Variants in FSTL4 observed in about 807,000 individuals in gnomAD.
FSTL4 encodes follistatin-related protein 4.
FSTL4 carries 28 observed loss-of-function variants against 78.2 expected under a neutral mutation model. The observed-to-expected ratio is 0.36, with a 90% CI of 0.27 to 0.49. The LOEUF (loss-of-function observed/expected upper bound fraction) is 0.49, where lower values mean the gene tolerates loss of function less well. Ranked by LOEUF, FSTL4 falls within the 20% of genes least tolerant of loss-of-function variation. FSTL4 has a pLI of 0.98. For synonymous variants in FSTL4, 422 were observed against 440.5 expected (o/e 0.96, Z 0.53); for missense variants, 922 against 1,084.9 (o/e 0.85, Z 2.11).
chr5:133,571,744 A>G (rs1760159376), intron 2 of FSTL4, among the ~76,000 whole-genome samples: 1 of 152,228 alleles, frequency 6.6e-6, no homozygotes, highest in Non-Finnish European at 1.5e-5. Context: ...AAAATGAAAT[A>G]ACTGAAAAAT....
At chr5:133,249,325 G>A (rs1040197928) in intron 7 of FSTL4, 85 bp downstream of exon 7, 70 of 1,062,236 alleles carry the variant, frequency 6.6e-5, no homozygotes, top group Admixed American at 1.0e-4. Context: ...AAACTCTCCC[G>A]TCCTGCCACT....
chr5:133,776,890 G>A, the FSTL4 span, among the ~76,000 whole-genome samples: 1 of 152,104 alleles, frequency 6.6e-6, no homozygotes, highest in Non-Finnish European at 1.5e-5. Flanking sequence ...TGTCCGAAAG[G>A]TCCCACTGAC....
chr5:133,798,999 A>T, the FSTL4 span, among the ~76,000 whole-genome samples: 1 of 83,702 alleles, frequency 1.2e-5, no homozygotes, highest in African/African-American at 4.3e-5. Flanking sequence ...GAAGGGAGGG[A>T]GAGAGAGGGG....
At chr5:133,791,697 C>T in the FSTL4 span, among the ~76,000 whole-genome samples, 6 of 152,244 alleles carry the variant, frequency 3.9e-5, no homozygotes, top group African/African-American at 1.4e-4. Flanking sequence ...ATTCTGAGTG[C>T]CCCTTCCCCT....
chr5:133,249,594 G>A lies in FSTL4; in HGVS notation c.728-18C>T, dbSNP rs929783020. ...AACCACTTCTGCAGAGGGAAAGGAG[G>A]AGGCACGGTCAGGTGCAGGCCCAGG... On this transcript the variant is annotated intron_variant, in intron 6 of 15. Transcript: ENST00000265342. The A allele has an allele frequency of 6.2e-6, 10 of 1,601,896 alleles. No individual in the cohort carries two copies. The Admixed American group carries it at 6.7e-5, about 11-fold the overall frequency.
intron 6 of FSTL4, among the ~76,000 whole-genome samples, chr5:133,252,537 C>G (rs893217799): frequency 1.3e-5 from 2 of 152,032 alleles, no homozygotes; most frequent in East Asian, 3.9e-4. Context: ...CCAAGGGGTT[C>G]TATGATGGCC....
intron 4 of FSTL4, among the ~76,000 whole-genome samples, chr5:133,377,136 T>C (rs1013119858): frequency 2.0e-5 from 3 of 152,148 alleles, no homozygotes; most frequent in Non-Finnish European, 4.4e-5. Flanking sequence ...GGAGACTAAA[T>C]TCCAGGCAAA....
At chr5:133,290,209 C>T (rs1753226880) in intron 6 of FSTL4, among the ~76,000 whole-genome samples, 1 of 152,226 alleles carries the variant, frequency 6.6e-6, no homozygotes, top group African/African-American at 2.4e-5. Flanking sequence ...AGTGAATAAA[C>T]AACAGGGAAT....
At chr5:133,558,112 A>G (rs995174817) in intron 3 of FSTL4, among the ~76,000 whole-genome samples, 2 of 152,162 alleles carry the variant, frequency 1.3e-5, no homozygotes, top group African/African-American at 4.8e-5. Context: ...ACGCTTGGGC[A>G]TCTTCTCAAC....
the FSTL4 span, among the ~76,000 whole-genome samples, chr5:133,841,836 T>C: frequency 6.6e-6 from 1 of 151,936 alleles, no homozygotes; most frequent in African/African-American, 2.4e-5. Flanking sequence ...AGAGAGGAGG[T>C]GGAAGGTGCA....
chr5:133,534,530 G>A (rs1759313471), intron 3 of FSTL4, among the ~76,000 whole-genome samples: 1 of 152,096 alleles, frequency 6.6e-6, no homozygotes, highest in Non-Finnish European at 1.5e-5. Context: ...TGCCCTCCAT[G>A]TGCCCATGAT....
chr5:133,633,528 T>C, the FSTL4 span, among the ~76,000 whole-genome samples: 21 of 152,216 alleles, frequency 1.4e-4, no homozygotes, highest in Non-Finnish European at 2.6e-4. Flanking sequence ...ATTTCAAGTG[T>C]GTTTCTAATT....
At chr5:133,710,489 C>T in the FSTL4 span, among the ~76,000 whole-genome samples, 1 of 152,218 alleles carries the variant, frequency 6.6e-6, no homozygotes, top group South Asian at 2.1e-4. Flanking sequence ...CTCTTACTTT[C>T]TTACCCCAAA....
chr5:133,527,477 A>ATCT (rs1183482236), intron 3 of FSTL4, among the ~76,000 whole-genome samples: 1 of 67,472 alleles, frequency 1.5e-5, no homozygotes, highest in African/African-American at 4.0e-5. Context: ...ACGTGTACAC[A>ATCT]CACACACACA....
the FSTL4 span, among the ~76,000 whole-genome samples, chr5:133,797,701 G>T: frequency 1.3e-5 from 2 of 152,260 alleles, no homozygotes; most frequent in African/African-American, 4.8e-5. Flanking sequence ...AGTCTTCTCA[G>T]TTCTCCGTAG....
chr5:133,768,952 C>T, the FSTL4 span, among the ~76,000 whole-genome samples: 70 of 152,340 alleles, frequency 4.6e-4, 1 homozygote, highest in South Asian at 0.014. Context: ...CTGTGGATCA[C>T]AGGATTGTTG....
chr5:133,761,962 G>C, the FSTL4 span, among the ~76,000 whole-genome samples: 1 of 152,110 alleles, frequency 6.6e-6, no homozygotes, highest in Admixed American at 6.5e-5. Context: ...AGCCTTTGTG[G>C]AAACATCTGA....
chr5:133,595,549 G>C lies in FSTL4; in HGVS notation c.126+8309C>G, dbSNP rs1050376967. On this transcript the variant is annotated intron_variant, in intron 2 of 15. Transcript: ENST00000265342. Reference sequence around the variant, plus strand: ...TGGAAAGAGGACCCTCCCACTCTGAGGGCTGCCTTGCTACGTGATATGTGG... The same window carrying C: ...TGGAAAGAGGACCCTCCCACTCTGACGGCTGCCTTGCTACGTGATATGTGG... 2.0e-5 allele frequency among the ~76,000 whole-genome samples: 3 copies of C among 152,220 alleles called. No individual in the cohort carries two copies. In the South Asian group the frequency reaches 6.2e-4, roughly 32 times the overall value.
At chr5:133,722,541 C>T in the FSTL4 span, among the ~76,000 whole-genome samples, 1 of 152,200 alleles carries the variant, frequency 6.6e-6, no homozygotes, top group Non-Finnish European at 1.5e-5. Context: ...CTTTATATCT[C>T]ACTGAGTCTC....
Sources: gnomAD v4.1 joint callset for allele counts (sites outside exome capture counted in the v4.1 genomes callset) on GRCh38, gnomAD v4.1.1 for gene constraint, MANE v1.5 for transcripts, NCBI Gene and HGNC (gene_info 2026-07-23, HGNC 2026-07-21) for gene names.